Variants in ME3 observed in about 807,000 individuals in gnomAD.
The protein encoded by ME3 is NADP-dependent malic enzyme, mitochondrial.
A neutral mutation model predicts 68.9 loss-of-function variants in ME3; 48 were observed. That is an observed-to-expected ratio of 0.70 (90% confidence interval 0.55 to 0.89). The LOEUF is 0.89. Ranked by LOEUF, ME3 falls within the 40% of genes least tolerant of loss-of-function variation. ME3 has a pLI of 0.00. For synonymous variants in ME3, 320 were observed against 318.8 expected (o/e 1.00, Z -0.04); for missense variants, 675 against 797.4 (o/e 0.85, Z 1.85).
At chr11:86,652,171 C>A (rs1463471830) in intron 2 of ME3, among the ~76,000 whole-genome samples, 1 of 152,148 alleles carries the variant, frequency 6.6e-6, no homozygotes, top group Non-Finnish European at 1.5e-5. Flanking sequence ...AAACACTCTG[C>A]AGGATATTAT....
At chr11:86,518,447 C>T (rs909701415) in intron 4 of ME3, among the ~76,000 whole-genome samples, 1 of 152,172 alleles carries the variant, frequency 6.6e-6, no homozygotes, top group African/African-American at 2.4e-5. Flanking sequence ...CAGTGACTCC[C>T]CTAGGAAATT....
intron 2 of ME3, among the ~76,000 whole-genome samples, chr11:86,574,486 C>A (rs556053644): frequency 6.6e-6 from 1 of 151,866 alleles, no homozygotes; most frequent in African/African-American, 2.4e-5. Context: ...ACACTGAGGC[C>A]CCTCTTCTGC....
intron 5 of ME3, 86 bp from the exon 6 acceptor site, chr11:86,498,210 G>A: frequency 6.8e-7 from 1 of 1,463,704 alleles, no homozygotes; most frequent in East Asian, 2.5e-5. Context: ...CATCAGGCTT[G>A]GCGACTGGAT....
intron 2 of ME3, among the ~76,000 whole-genome samples, chr11:86,652,916 GAA>G (rs149968951): frequency 1.8e-4 from 26 of 140,898 alleles, no homozygotes; most frequent in Middle Eastern, 3.6e-3. Flanking sequence ...CAGGCAAATG[GAA>G]AAAAAAAAAA....
At chr11:86,455,949 A>C (rs983673118) in intron 8 of ME3, among the ~76,000 whole-genome samples, 7 of 152,128 alleles carry the variant, frequency 4.6e-5, no homozygotes, top group Non-Finnish European at 8.8e-5. Flanking sequence ...TGAAATCCCC[A>C]AATCCCCTTT....
At chr11:86,435,830 T>C in the ME3 span, 2 of 152,400 alleles carry the variant, frequency 1.3e-5, no homozygotes, top group African/African-American at 2.4e-5. Flanking sequence ...ATGTTCTCAA[T>C]TGAGGCTAGG....
chr11:86,671,205 T>C (rs962054079), intron 2 of ME3, among the ~76,000 whole-genome samples: 1 of 152,218 alleles, frequency 6.6e-6, no homozygotes, highest in Non-Finnish European at 1.5e-5. Context: ...TCTCTAATGC[T>C]CCTGCAAGCT....
chr11:86,498,413 G>A (rs993890274), intron 5 of ME3, among the ~76,000 whole-genome samples: 7 of 152,158 alleles, frequency 4.6e-5, no homozygotes, highest in Non-Finnish European at 5.9e-5. Flanking sequence ...ACCACATTAA[G>A]TCACTTCACT....
At chr11:86,525,614 G>A (rs193176793) in intron 4 of ME3, among the ~76,000 whole-genome samples, 3 of 152,240 alleles carry the variant, frequency 2.0e-5, no homozygotes, top group Admixed American at 2.0e-4. Context: ...TGTAGTCCCA[G>A]CACTCTGGGA....
At chr11:86,501,593 A>G (rs529677252) in intron 5 of ME3, among the ~76,000 whole-genome samples, 2 of 152,252 alleles carry the variant, frequency 1.3e-5, no homozygotes, top group South Asian at 4.2e-4. Flanking sequence ...TTGCTACTCA[A>G]ATGTCCAATA....
At chr11:86,478,275 C>T (rs1951194470) in intron 7 of ME3, among the ~76,000 whole-genome samples, 1 of 142,422 alleles carries the variant, frequency 7.0e-6, no homozygotes, top group African/African-American at 2.6e-5. Flanking sequence ...TACAACAGTC[C>T]AGACTCATCT....
intron 4 of ME3, among the ~76,000 whole-genome samples, chr11:86,512,298 C>G (rs1361633323): frequency 6.6e-6 from 1 of 152,212 alleles, no homozygotes. Flanking sequence ...TGTATGCTCT[C>G]AAAGTACTCC....
chr11:86,560,748 G>GTATGTGTGTA (rs1957184106), intron 2 of ME3, among the ~76,000 whole-genome samples: 1 of 62,530 alleles, frequency 1.6e-5, no homozygotes, highest in African/African-American at 5.9e-5. Flanking sequence ...GTGTGTGTGT[G>GTATGTGTGTA]TATATATATA....
intron 2 of ME3, among the ~76,000 whole-genome samples, chr11:86,652,222 T>C (rs554837865): frequency 3.3e-5 from 5 of 152,124 alleles, no homozygotes; most frequent in South Asian, 2.1e-4. Flanking sequence ...GGCCAACATT[T>C]AGATTCAGGA....
chr11:86,624,805 G>T (rs934598075), intron 2 of ME3, among the ~76,000 whole-genome samples: 1 of 152,176 alleles, frequency 6.6e-6, no homozygotes, highest in Non-Finnish European at 1.5e-5. Flanking sequence ...CAAGTGGACT[G>T]CTCTAAGGAC....
chr11:86,516,596 G>A (rs1181635222), intron 4 of ME3, among the ~76,000 whole-genome samples: 1 of 152,038 alleles, frequency 6.6e-6, no homozygotes, highest in Non-Finnish European at 1.5e-5. Context: ...ACTATATGTT[G>A]GCCAGGCTGG....
intron 2 of ME3, among the ~76,000 whole-genome samples, chr11:86,587,995 C>T (rs1169451489): frequency 1.3e-5 from 2 of 152,220 alleles, no homozygotes; most frequent in African/African-American, 2.4e-5. Flanking sequence ...ATTTTCTCAT[C>T]TGTAAAATGG....
chr11:86,487,047 C>G (rs187161627), intron 7 of ME3, among the ~76,000 whole-genome samples: 110 of 152,264 alleles, frequency 7.2e-4, no homozygotes, highest in African/African-American at 2.6e-3. Flanking sequence ...CAGCTCAGGC[C>G]AAGGGGGTTT....
chr11:86,506,711 C>T (rs1464997137), intron 5 of ME3, among the ~76,000 whole-genome samples: 2 of 152,200 alleles, frequency 1.3e-5, no homozygotes, highest in Non-Finnish European at 2.9e-5. Flanking sequence ...TCATCCAACT[C>T]TGTGTAAGCA....
Sources: allele counts gnomAD v4.1 joint callset (sites outside exome capture counted in the v4.1 genomes callset), GRCh38; gene constraint gnomAD v4.1.1; transcripts MANE v1.5; gene names NCBI Gene and HGNC (gene_info 2026-07-23, HGNC 2026-07-21).